The following ATP6V0D1 variants were observed in gnomAD, a reference collection of about 807,000 sequenced individuals.
ATP6V0D1 encodes the protein ATPase H+ transporting V0 subunit d1.
Under a neutral mutation model 39.0 loss-of-function variants are expected in ATP6V0D1, and 13 were observed. The observed-to-expected ratio is 0.33, with a 90% CI of 0.22 to 0.53. The LOEUF (loss-of-function observed/expected upper bound fraction) is 0.53, where lower values mean the gene tolerates loss of function less well. Among genes scored for constraint, ATP6V0D1 ranks in the 20% least tolerant of loss-of-function variants. The pLI is 0.94. For synonymous variants in ATP6V0D1, 191 were observed against 191.2 expected (o/e 1.00, Z 0.01); for missense variants, 272 against 470.9 (o/e 0.58, Z 3.91).
intron 1 of ATP6V0D1, chr16:67,459,220 A>C: frequency 1.0e-6 from 1 of 985,490 alleles, no homozygotes; most frequent in Non-Finnish European, 1.2e-6. Context: ...CTTGAAGTGC[A>C]GGAAATAGTG....
At chr16:67,458,935 C>G in intron 1 of ATP6V0D1, 2 of 535,148 alleles carry the variant, frequency 3.7e-6, no homozygotes, top group Non-Finnish European at 4.8e-6. Context: ...CACATCTTGG[C>G]TCCCTACTCC....
chr16:67,470,930 C>G (rs1005971775), intron 1 of ATP6V0D1, among the ~76,000 whole-genome samples: 3 of 152,306 alleles, frequency 2.0e-5, no homozygotes, highest in African/African-American at 7.2e-5. Context: ...CTTCATCCCC[C>G]CTCATTCCAC....
intron 1 of ATP6V0D1, among the ~76,000 whole-genome samples, chr16:67,480,469 T>A (rs2041459828): frequency 6.6e-6 from 1 of 152,068 alleles, no homozygotes; most frequent in African/African-American, 2.4e-5. Context: ...ATAAACTGGC[T>A]CAGCAATTCC....
intron 4 of ATP6V0D1, 101 bp downstream of exon 4, chr16:67,442,998 C>G: frequency 1.6e-6 from 2 of 1,263,708 alleles, no homozygotes; most frequent in Non-Finnish European, 2.3e-6. Context: ...CCTGACATAG[C>G]TGCATCCTGT....
intron 1 of ATP6V0D1, among the ~76,000 whole-genome samples, chr16:67,460,113 G>A (rs1467713780): frequency 6.6e-6 from 1 of 152,226 alleles, no homozygotes; most frequent in Non-Finnish European, 1.5e-5. Flanking sequence ...AGACTCTGGT[G>A]TGCCCACAAT....
intron 1 of ATP6V0D1, among the ~76,000 whole-genome samples, chr16:67,480,475 A>G (rs1198219824): frequency 6.6e-6 from 1 of 152,100 alleles, no homozygotes; most frequent in Non-Finnish European, 1.5e-5. Context: ...TGGCTCAGCA[A>G]TTCCCCAGGA....
chr16:67,459,030 C>A, intron 1 of ATP6V0D1: 4 of 983,298 alleles, frequency 4.1e-6, no homozygotes, highest in Non-Finnish European at 4.8e-6. Context: ...GTCCATGTAG[C>A]CCTGAAGCTG....
intron 1 of ATP6V0D1, among the ~76,000 whole-genome samples, chr16:67,466,022 G>C (rs2041326265): frequency 6.6e-6 from 1 of 152,252 alleles, no homozygotes; most frequent in Middle Eastern, 3.4e-3. Context: ...TCCACAGCGA[G>C]GGGCCCCTCT....
At chr16:67,476,235 A>C (rs922340171) in intron 1 of ATP6V0D1, among the ~76,000 whole-genome samples, 4 of 150,244 alleles carry the variant, frequency 2.7e-5, no homozygotes, top group South Asian at 4.2e-4. Context: ...AAAAAAAAAA[A>C]CCAGACATCT....
At position 67,453,900 on chromosome 16, in the gene ATP6V0D1, G is replaced by A. The variant is rs541660729; in HGVS notation, c.131-185C>T. 5.3e-5 allele frequency among the ~76,000 whole-genome samples: 8 copies of A among 152,260 alleles called. No individual in the cohort carries two copies. Among genetic ancestry groups the A allele is most frequent in the Admixed American group, 5.2e-4 (8 of 15,306 alleles). Reference sequence around the variant, plus strand: ...GGCAATCAGCTAAGGCCCTGGAGATGCACCAGATCTTTGGGCCACAATCCA... The same window carrying A: ...GGCAATCAGCTAAGGCCCTGGAGATACACCAGATCTTTGGGCCACAATCCA... On this transcript the variant is annotated intron_variant, in intron 1 of 7. Coordinates refer to ENST00000290949, the MANE Select transcript of ATP6V0D1 (RefSeq NM_004691.5). The surrounding 1 kb of genome is among the most constrained non-coding windows in gnomAD (Gnocchi z 4.1).
intron 4 of ATP6V0D1, among the ~76,000 whole-genome samples, chr16:67,442,183 CA>C (rs1398089609): frequency 6.6e-6 from 1 of 152,268 alleles, no homozygotes; most frequent in Non-Finnish European, 1.5e-5. Flanking sequence ...CAGGCCCCTG[CA>C]GGGAGATTGG....
intron 7 of ATP6V0D1, 39 bp downstream of exon 7, chr16:67,438,754 G>A (rs749813945): frequency 6.2e-7 from 1 of 1,614,130 alleles, no homozygotes. Flanking sequence ...TAAACCACCA[G>A]GTTGGCCTCC....
At position 67,444,454 on chromosome 16, in the gene ATP6V0D1, G is replaced by C; in HGVS notation, c.481+74C>G. On this transcript the variant is annotated intron_variant, in intron 3 of 7. Coordinates refer to ENST00000290949, the MANE Select transcript of ATP6V0D1 (RefSeq NM_004691.5). This position sits in a 1 kb window ranked among gnomAD's most constrained non-coding sequence, Gnocchi z 4.8. ...TCTGGCTCAGGGTCGCCCCCCAGCG[G>C]GTCCACAAACCCCACCCTGATGCGC... The C allele has an allele frequency of 6.7e-7, 1 of 1,485,738 alleles. No individual in the cohort carries two copies. The allele number at this position is 1,485,738 out of a possible 1,614,324, so 92.0% of individuals were successfully genotyped here.
At chr16:67,445,880 T>A (rs2041108696) in intron 2 of ATP6V0D1, 1 of 454,930 alleles carries the variant, frequency 2.2e-6, no homozygotes, top group Non-Finnish European at 4.4e-6. Context: ...ACAACTATCC[T>A]CCAGTCTGTC....
chr16:67,438,288 G>A lies in ATP6V0D1; in HGVS notation c.*240C>T. On this transcript the variant is annotated 3_prime_UTR_variant, in exon 8 of 8. Transcript: ENST00000290949. ...ACCACAGGGCTGAGGGGGCCTCCTTGCTCTGGAGGGGGTCTTCGTCCATCC... is the reference window on the plus strand; with the variant it reads ...ACCACAGGGCTGAGGGGGCCTCCTTACTCTGGAGGGGGTCTTCGTCCATCC... 2 of 566,394 alleles carry A rather than the reference G, an allele frequency of 3.5e-6. No homozygotes were observed. The highest frequency in any genetic ancestry group is 2.1e-5 in the South Asian group (1 of 48,134). The allele number at this position is 566,394 out of a possible 1,614,324, so 35.1% of individuals were successfully genotyped here.
At chr16:67,471,678 A>C (rs893789147) in intron 1 of ATP6V0D1, among the ~76,000 whole-genome samples, 4 of 151,564 alleles carry the variant, frequency 2.6e-5, no homozygotes. Flanking sequence ...AATTATTATT[A>C]ATTTTTTTTT....
Position 67,438,459 on chromosome 16 carries a change from ACGCACACACACGCG to A in ATP6V0D1, c.*55_*68del. On this transcript the variant is annotated 3_prime_UTR_variant, in exon 8 of 8. Transcript: ENST00000290949. ...CTTGTCACAGACCACATACACACAC[ACGCACACACACGCG>A]CACACACACACACACACACACAAAG... 6.5e-7 allele frequency: 1 copy of A among 1,544,832 alleles called. No individual in the cohort carries two copies. Among genetic ancestry groups the A allele is most frequent in the Non-Finnish European group, 8.8e-7 (1 of 1,139,180 alleles).
chr16:67,454,535 GTTTTGTTTTTGT>G (rs752337353), intron 1 of ATP6V0D1: 3 of 151,868 alleles, frequency 2.0e-5, no homozygotes, highest in Non-Finnish European at 2.9e-5. Flanking sequence ...CTCCCAGAGT[GTTTTGTTTTTGT>G]TTTTGTTTTT....
In ATP6V0D1 at chr16:67,453,192, C is replaced by G. The variant is rs1303918735; in HGVS notation, c.302+352G>C. Among the ~76,000 whole-genome samples, 1 of 152,158 alleles carries G rather than the reference C, an allele frequency of 6.6e-6. No homozygotes were observed. The highest frequency in any genetic ancestry group is 1.5e-5 in the Non-Finnish European group (1 of 68,022). On this transcript the variant is annotated intron_variant, in intron 2 of 7. Transcript: ENST00000290949. This position sits in a 1 kb window ranked among gnomAD's most constrained non-coding sequence, Gnocchi z 4.1. ...GTAGGGTAAGAAAAAGGGCTCCCACCTTCCCAGGTTTCCCTGCCCCAGTCT... is the reference window on the plus strand; with the variant it reads ...GTAGGGTAAGAAAAAGGGCTCCCACGTTCCCAGGTTTCCCTGCCCCAGTCT...
Sources: allele counts gnomAD v4.1 joint callset (sites outside exome capture counted in the v4.1 genomes callset), GRCh38; gene constraint gnomAD v4.1.1; non-coding constraint Gnocchi (gnomAD v3.1); transcripts MANE v1.5; gene names NCBI Gene and HGNC (gene_info 2026-07-23, HGNC 2026-07-21).